ZNF831: variants seen among roughly 807,000 people sequenced by gnomAD.
ZNF831 encodes chromosome 20 open reading frame 174.
ZNF831 carries 59 observed loss-of-function variants against 95.8 expected under a neutral mutation model. That is an observed-to-expected ratio of 0.62 (90% CI 0.50 to 0.77). The LOEUF (loss-of-function observed/expected upper bound fraction) is 0.77. Ranked by LOEUF, ZNF831 falls within the 30% of genes least tolerant of loss-of-function variation. The pLI, the probability that ZNF831 is intolerant of heterozygous loss-of-function variation, is 0.00. For missense variants in ZNF831, 2,205 were observed against 2,164.0 expected, an observed-to-expected ratio of 1.02 and a Z score of -0.38; for synonymous variants, 961 against 925.5, an observed-to-expected ratio of 1.04 and a Z score of -0.70.
chr20:59,129,725 G>A (rs1979290140), intron 1 of ZNF831, among the ~76,000 whole-genome samples: 1 of 152,170 alleles, frequency 6.6e-6, no homozygotes, highest in African/African-American at 2.4e-5. Context: ...CCTCTGGCCA[G>A]CACTCATTGG....
At chr20:59,158,488 T>C (rs1980662708) in intron 2 of ZNF831, among the ~76,000 whole-genome samples, 1 of 152,190 alleles carries the variant, frequency 6.6e-6, no homozygotes, top group African/African-American at 2.4e-5. Flanking sequence ...CTTGGCAAAG[T>C]TCTGCCCACT....
Position 59,254,176 on chromosome 20 carries a change from T to A in ZNF831, c.4467T>A (p.Ser1489=), listed in dbSNP as rs1442336404. Residue 1489 remains serine (S), a synonymous_variant, in exon 6 of 6, where the codon TCT becomes TCA. Coordinates refer to ENST00000371030, the MANE Select transcript of ZNF831 (RefSeq NM_178457.3). The surrounding 1 kb of genome is among the most constrained non-coding windows in gnomAD (Gnocchi z 4.5). ...TTCCCCACCATGACATTGCTACCTC[T>A]GTGGCTGCCGTTTGTATTTCTCTGC... ...GTFPHHDIAT[S]VAAVCISLPV... The A allele has an allele frequency of 1.2e-6, 2 of 1,614,002 alleles. No homozygotes were observed. The highest frequency in any genetic ancestry group is 1.7e-6 in the Non-Finnish European group (2 of 1,180,032).
At chr20:59,161,052 T>C (rs988192538), upstream of ZNF831, among the ~76,000 whole-genome samples, 1 of 152,218 alleles carries the variant, frequency 6.6e-6, no homozygotes, top group Admixed American at 6.5e-5. Context: ...GGAGAGTCTA[T>C]CTGTACCATG....
intron 4 of ZNF831, among the ~76,000 whole-genome samples, chr20:59,249,704 A>G (rs553137319): frequency 1.3e-5 from 2 of 152,160 alleles, no homozygotes; most frequent in African/African-American, 2.4e-5. Flanking sequence ...TTCTCTACGG[A>G]TTTTCAAAGT....
At chr20:59,244,144 A>G (rs1196036042) in intron 4 of ZNF831, among the ~76,000 whole-genome samples, 2 of 151,706 alleles carry the variant, frequency 1.3e-5, no homozygotes, top group Non-Finnish European at 2.9e-5. Flanking sequence ...AAGAAAGAGA[A>G]GACGAATGAG....
chr20:59,236,605 A>T, intron 4 of ZNF831, among the ~76,000 whole-genome samples: 1 of 133,722 alleles, frequency 7.5e-6, no homozygotes, highest in African/African-American at 2.9e-5. Context: ...CATGTTGTCC[A>T]GTCTGGTCTC....
chr20:59,193,621 G>T lies in ZNF831; in HGVS notation c.2602G>T (p.Gly868Cys), dbSNP rs2146586451. ...QDADPGEVPG[G>C]SKESARQVGE... is the part of the protein sequence containing the mutation. ...TGCCGATCCCGGGGAGGTGCCAGGG[G>T]GCTCAAAGGAGAGTGCCAGGCAGGT... Residue 868 changes from glycine (G) to cysteine (C), a missense_variant, in exon 2 of 6, where the codon GGC becomes TGC. By Grantham distance (159) the Gly-to-Cys change is radical. Coordinates refer to ENST00000371030, the MANE Select transcript of ZNF831 (RefSeq NM_178457.3). The T allele has an allele frequency of 6.2e-7, 1 of 1,612,444 alleles. No individual in the cohort carries two copies. The highest frequency in any genetic ancestry group is 2.2e-5 in the East Asian group (1 of 44,856).
At chr20:59,152,710 A>C (rs1180160579) in intron 2 of ZNF831, among the ~76,000 whole-genome samples, 1 of 152,104 alleles carries the variant, frequency 6.6e-6, no homozygotes, top group African/African-American at 2.4e-5. Flanking sequence ...AGGAGGCAGT[A>C]GGGAATGGAA....
intron 1 of ZNF831, among the ~76,000 whole-genome samples, chr20:59,142,947 A>T (rs1209928943): frequency 6.6e-6 from 1 of 152,084 alleles, no homozygotes; most frequent in Non-Finnish European, 1.5e-5. Context: ...CCCAGGCTGG[A>T]GTGCAGTGGC....
chr20:59,245,509 G>T (rs534669270), intron 4 of ZNF831, among the ~76,000 whole-genome samples: 42 of 152,226 alleles, frequency 2.8e-4, no homozygotes, highest in African/African-American at 9.6e-4. Flanking sequence ...GCTGACATTT[G>T]GCGACACTCC....
At chr20:59,175,782 GTCT>G in intron 1 of ZNF831, among the ~76,000 whole-genome samples, 1 of 152,296 alleles carries the variant, frequency 6.6e-6, no homozygotes, top group South Asian at 2.1e-4. Context: ...TCAGTTTGAG[GTCT>G]TCTTGGTTCG....
At chr20:59,225,238 C>T (rs1986353516) in intron 4 of ZNF831, among the ~76,000 whole-genome samples, 1 of 152,140 alleles carries the variant, frequency 6.6e-6, no homozygotes, top group Non-Finnish European at 1.5e-5. Flanking sequence ...TGGAAGTCTC[C>T]TTGAAGAAGA....
intron 1 of ZNF831, among the ~76,000 whole-genome samples, chr20:59,176,710 G>A (rs1982194851): frequency 6.6e-6 from 1 of 152,156 alleles, no homozygotes; most frequent in South Asian, 2.1e-4. Context: ...AAGAGGTAGG[G>A]TTAACTCATA....
chr20:59,166,929 T>C (rs919657705), intron 1 of ZNF831, among the ~76,000 whole-genome samples: 6 of 152,236 alleles, frequency 3.9e-5, no homozygotes, highest in African/African-American at 1.4e-4. Context: ...GTTTTCATTG[T>C]GAAATAAATG....
intron 3 of ZNF831, among the ~76,000 whole-genome samples, chr20:59,199,291 T>A (rs1214968626): frequency 6.6e-6 from 1 of 152,004 alleles, no homozygotes; most frequent in Non-Finnish European, 1.5e-5. Flanking sequence ...ACAGTTCTCT[T>A]CTAAGTAAAA....
chr20:59,168,032 C>T (rs1981422387), intron 1 of ZNF831, among the ~76,000 whole-genome samples: 2 of 152,036 alleles, frequency 1.3e-5, no homozygotes, highest in African/African-American at 4.8e-5. Flanking sequence ...TGATTCTTTA[C>T]ACTTTATTAT....
chr20:59,179,120 A>G (rs979103585), intron 1 of ZNF831, among the ~76,000 whole-genome samples: 3 of 152,186 alleles, frequency 2.0e-5, no homozygotes, highest in African/African-American at 7.2e-5. Context: ...GACTCTGTTC[A>G]TATCATGGGA....
At chr20:59,242,566 A>G (rs1195248994) in intron 4 of ZNF831, among the ~76,000 whole-genome samples, 1 of 152,242 alleles carries the variant, frequency 6.6e-6, no homozygotes, top group Non-Finnish European at 1.5e-5. Flanking sequence ...AGAAAAACAA[A>G]TCTCTAAATG....
Position 59,193,680 on chromosome 20 carries a change from G to A in ZNF831, c.2661G>A (p.Leu887=). The change falls in exon 2 of 6, where the codon TTG becomes TTA. Residue 887 remains leucine (L), a synonymous_variant. Transcript: ENST00000371030. ...CTCTGGAGTCCTCTGGAGCCTCCTT[G>A]GCTGCTGCTTCTGTTGCCCTGAAGA... ...GEPLESSGAS[L]AAASVALKRV... is the part of the protein sequence containing the mutation. The A allele has an allele frequency of 6.2e-7, 1 of 1,613,026 alleles. No homozygotes were observed. The highest frequency in any genetic ancestry group is 8.5e-7 in the Non-Finnish European group (1 of 1,179,764).
Sources: allele counts gnomAD v4.1 joint callset (sites outside exome capture counted in the v4.1 genomes callset), GRCh38; gene constraint gnomAD v4.1.1; non-coding constraint Gnocchi (gnomAD v3.1); transcripts MANE v1.5; gene names NCBI Gene and HGNC (gene_info 2026-07-23, HGNC 2026-07-21).